Variants in DIAPH2 observed in about 807,000 individuals in gnomAD.
DIAPH2 encodes the protein protein diaphanous homolog 2.
In DIAPH2, 35 loss-of-function variants were observed where a neutral mutation model predicts 92.7. The observed-to-expected ratio is 0.38, with a 90% CI of 0.29 to 0.50. The LOEUF (loss-of-function observed/expected upper bound fraction) is 0.50, where lower values mean the gene tolerates loss of function less well. Among genes scored for constraint, DIAPH2 ranks in the 20% least tolerant of loss-of-function variants. The pLI is 0.94. For synonymous variants in DIAPH2, 301 were observed against 280.4 expected, an observed-to-expected ratio of 1.07 and a Z score of -0.73; for missense variants, 701 against 819.5, an observed-to-expected ratio of 0.86 and a Z score of 1.77.
intron 26 of DIAPH2, among the ~76,000 whole-genome samples, chrX:97,561,214 T>C (rs897809233): frequency 8.9e-6 from 1 of 112,565 alleles, no homozygotes; most frequent in African/African-American, 3.2e-5. Context: ...TTGATACATG[T>C]ATTTGTTTTG....
chrX:96,851,641 G>GTC (rs1479948979), intron 4 of DIAPH2, among the ~76,000 whole-genome samples: 3 of 112,232 alleles, frequency 2.7e-5, no homozygotes, highest in Non-Finnish European at 5.6e-5. Context: ...AAGGAAAAGA[G>GTC]TCTGTATATG....
At chrX:96,751,575 CA>C (rs1460113460) in intron 3 of DIAPH2, among the ~76,000 whole-genome samples, 2 of 78,142 alleles carry the variant, frequency 2.6e-5, no homozygotes, top group Non-Finnish European at 4.9e-5. Context: ...GACTCTGTCT[CA>C]AAAAAAATAA....
intron 4 of DIAPH2, among the ~76,000 whole-genome samples, chrX:96,793,263 C>T (rs1257047309): frequency 8.9e-6 from 1 of 112,260 alleles, no homozygotes; most frequent in African/African-American, 3.2e-5. Context: ...CGGGTTCAAG[C>T]GATTCTCCTG....
At chrX:97,070,321 T>G (rs1334530034) in intron 17 of DIAPH2, among the ~76,000 whole-genome samples, 4 of 111,688 alleles carry the variant, frequency 3.6e-5, no homozygotes, top group Non-Finnish European at 7.5e-5. Context: ...TTAAAAAAAC[T>G]TTTTAGTTTC....
intron 16 of DIAPH2, among the ~76,000 whole-genome samples, chrX:96,958,732 C>A (rs1048186374): frequency 1.8e-5 from 2 of 111,398 alleles, no homozygotes; most frequent in Non-Finnish European, 3.8e-5. Flanking sequence ...CTCCCACCTC[C>A]CACACACACC....
chrX:97,114,691 A>G (rs1215067910), intron 20 of DIAPH2, 35 bp from the exon 21 acceptor site: 4 of 1,144,393 alleles, frequency 3.5e-6, no homozygotes, highest in East Asian at 6.0e-5. Context: ...GAGGCATTAA[A>G]TGTATATTCT....
chrX:97,390,313 G>A (rs759141905), intron 25 of DIAPH2, among the ~76,000 whole-genome samples: 7 of 96,384 alleles, frequency 7.3e-5, no homozygotes, highest in East Asian at 7.2e-4. Flanking sequence ...TCTGCCTCCC[G>A]GGCTCAAACG....
At chrX:97,089,721 A>G (rs751513996) in intron 19 of DIAPH2, among the ~76,000 whole-genome samples, 13 of 110,240 alleles carry the variant, frequency 1.2e-4, no homozygotes, top group African/African-American at 4.3e-4. Context: ...AAAATAATCA[A>G]TTATTTTATT....
chrX:96,685,961 G>A (rs1268433104), intron 1 of DIAPH2, among the ~76,000 whole-genome samples: 1 of 112,353 alleles, frequency 8.9e-6, no homozygotes, highest in African/African-American at 3.2e-5. Context: ...TCCTGCCACT[G>A]AATGTGCAGA....
chrX:97,137,388 ACTAT>A (rs1475041018), intron 21 of DIAPH2, among the ~76,000 whole-genome samples: 5 of 103,478 alleles, frequency 4.8e-5, no homozygotes, highest in Admixed American at 3.2e-4. Flanking sequence ...ACATTTATTG[ACTAT>A]CTAGTATTTT....
intron 23 of DIAPH2, among the ~76,000 whole-genome samples, chrX:97,336,883 T>G (rs1372173341): frequency 9.0e-6 from 1 of 111,174 alleles, no homozygotes; most frequent in Non-Finnish European, 1.9e-5. Context: ...ACTTCTTATC[T>G]CTCTAATAAC....
At chrX:97,538,937 A>G (rs1196390872) in intron 26 of DIAPH2, among the ~76,000 whole-genome samples, 1 of 112,150 alleles carries the variant, frequency 8.9e-6, no homozygotes, top group Non-Finnish European at 1.9e-5. Flanking sequence ...ACTGAGAATA[A>G]CTTGAACTAT....
chrX:97,017,441 T>C (rs998615553), intron 17 of DIAPH2, among the ~76,000 whole-genome samples: 1 of 111,743 alleles, frequency 8.9e-6, no homozygotes, highest in Non-Finnish European at 1.9e-5. Flanking sequence ...ACATATGCAT[T>C]GAATGGGGAG....
chrX:96,953,700 G>C (rs1486181691), intron 15 of DIAPH2: 1 of 112,119 alleles, frequency 8.9e-6, no homozygotes, highest in Non-Finnish European at 1.9e-5. Context: ...TTGATACCAG[G>C]GTCCATCTCT....
At chrX:97,194,880 C>T (rs1207410226) in intron 22 of DIAPH2, among the ~76,000 whole-genome samples, 2 of 112,080 alleles carry the variant, frequency 1.8e-5, no homozygotes, top group African/African-American at 6.5e-5. Context: ...AACTACCTTC[C>T]TCAAGGATGG....
intron 22 of DIAPH2, among the ~76,000 whole-genome samples, chrX:97,185,474 C>CATATATATAT (rs1180330581): frequency 2.9e-4 from 3 of 10,512 alleles, no homozygotes; most frequent in African/African-American, 3.2e-4. Flanking sequence ...TATATATACA[C>CATATATATAT]ATATATATAT....
chrX:97,529,442 G>A (rs1456132990), intron 26 of DIAPH2, among the ~76,000 whole-genome samples: 1 of 112,216 alleles, frequency 8.9e-6, no homozygotes, highest in Non-Finnish European at 1.9e-5. Context: ...ATTTTTTACT[G>A]TGCTGTGTTC....
rs761797882 is a variant in DIAPH2 at position 97,099,668 on chromosome X, AC to A, written c.2248-25del. On this transcript the variant is annotated intron_variant, in intron 19 of 26. Coordinates refer to ENST00000324765, the MANE Select transcript of DIAPH2 (RefSeq NM_006729.5). ...AAAAATTCTAATACTAAAACACTAA[AC>A]TTTTATACTTTTATTTCTTTTTAGA... 116 of 1,040,107 alleles carry A rather than the reference AC, an allele frequency of 1.1e-4. 1 individual carries two copies. The Admixed American group carries it at 1.9e-3, about 17-fold the overall frequency. 85.7% of individuals were successfully genotyped at this position (1,040,107 alleles called of 1,213,427 possible).
chrX:97,504,084 T>C (rs1358729068), intron 26 of DIAPH2, among the ~76,000 whole-genome samples: 1 of 112,181 alleles, frequency 8.9e-6, no homozygotes, highest in African/African-American at 3.2e-5. Context: ...TTGAAAAATA[T>C]TTCTATTATG....
Sources: gnomAD v4.1 joint callset for allele counts (sites outside exome capture counted in the v4.1 genomes callset) on GRCh38, gnomAD v4.1.1 for gene constraint, MANE v1.5 for transcripts, NCBI Gene and HGNC (gene_info 2026-07-23, HGNC 2026-07-21) for gene names.